Variants in NAV1 observed in about 807,000 individuals in gnomAD.
NAV1 encodes pore membrane and/or filament interacting like protein 3.
A neutral mutation model predicts 175.2 loss-of-function variants in NAV1; 18 were observed. That is an observed-to-expected ratio of 0.10 (90% CI 0.07 to 0.15). The LOEUF is 0.15. Among genes scored for constraint, NAV1 ranks in the 10% least tolerant of loss-of-function variants. The pLI is 1.00. For synonymous variants in NAV1, 897 were observed against 978.7 expected, an observed-to-expected ratio of 0.92 and a Z score of 1.56; for missense variants, 1,731 against 2,436.6, an observed-to-expected ratio of 0.71 and a Z score of 6.10.
Position 201,790,540 on chromosome 1 carries a change from G to T in NAV1, c.3220-14G>T. The stretch of plus-strand genomic sequence containing the variant: ...TTTCTCTCTCTTTCTCTCCTTCTGT[G>T]CTCCCTTCTTCAGGCTGAGGAGAGG... On this transcript the variant is annotated splice_polypyrimidine_tract_variant and intron_variant, in intron 11 of 29. Transcript: ENST00000367296. 6.2e-7 allele frequency: 1 copy of T among 1,613,812 alleles called. No homozygotes were observed. Among genetic ancestry groups the T allele is most frequent in the Non-Finnish European group, 8.5e-7 (1 of 1,179,900 alleles).
At chr1:201,764,789 G>C (rs757545780) in intron 3 of NAV1, among the ~76,000 whole-genome samples, 16 of 152,238 alleles carry the variant, frequency 1.1e-4, no homozygotes, top group Non-Finnish European at 2.2e-4. Flanking sequence ...TCAGATACCA[G>C]AAGATTGCAC....
At chr1:201,579,628 T>C (rs538108365) in intron 1 of NAV1, among the ~76,000 whole-genome samples, 16 of 152,202 alleles carry the variant, frequency 1.1e-4, no homozygotes, top group Admixed American at 2.6e-4. Context: ...AACGCTGGGA[T>C]TACAGACATG....
intron 1 of NAV1, among the ~76,000 whole-genome samples, chr1:201,627,133 T>C (rs1001966405): frequency 6.6e-6 from 1 of 152,234 alleles, no homozygotes; most frequent in Non-Finnish European, 1.5e-5. Context: ...CTTGCTTTGT[T>C]CCCCAGGCTG....
In NAV1 at chr1:201,760,178, C is replaced by T. The variant is rs545646358; in HGVS notation, c.1227-20243C>T. On this transcript the variant is annotated intron_variant, in intron 3 of 29. Transcript: ENST00000367296. ...GAAGCTATATCAAAAGTTTATATAA[C>T]CTGGTGGCTGGGCATGGTGGTTCAC... 2.6e-5 allele frequency among the ~76,000 whole-genome samples: 4 copies of T among 152,248 alleles called. No homozygotes were observed. The East Asian group carries it at 7.7e-4, about 29-fold the overall frequency.
At chr1:201,681,694 C>G (rs534929321) in intron 1 of NAV1, among the ~76,000 whole-genome samples, 1 of 152,220 alleles carries the variant, frequency 6.6e-6, no homozygotes, top group Non-Finnish European at 1.5e-5. Context: ...ATTTTTCCAG[C>G]CAGGCGCAGT....
exon 1 of NAV1, chr1:201,649,146 C>A (rs1489280638): frequency 9.9e-6 from 16 of 1,611,974 alleles, no homozygotes; most frequent in Non-Finnish European, 1.4e-5. Context: ...CGCCAAGACC[C>A]CCCTGGCTCC....
At chr1:201,786,829 G>A (rs1676786651) in intron 9 of NAV1, among the ~76,000 whole-genome samples, 2 of 152,200 alleles carry the variant, frequency 1.3e-5, no homozygotes, top group African/African-American at 4.8e-5. Context: ...ATGGTGGCAT[G>A]GAAAAGCTGT....
At chr1:201,601,659 T>A (rs1206026998) in intron 2 of NAV1, among the ~76,000 whole-genome samples, 1 of 152,128 alleles carries the variant, frequency 6.6e-6, no homozygotes, top group Non-Finnish European at 1.5e-5. Flanking sequence ...GTGCCATATA[T>A]GAACCAGAAA....
At chr1:201,645,489 C>A (rs1019969822), upstream of NAV1, among the ~76,000 whole-genome samples, 1 of 151,776 alleles carries the variant, frequency 6.6e-6, no homozygotes, top group African/African-American at 2.4e-5. Context: ...CAACATGGCA[C>A]ATGTATATGT....
chr1:201,661,392 G>A (rs776916678), intron 1 of NAV1, among the ~76,000 whole-genome samples: 1 of 152,194 alleles, frequency 6.6e-6, no homozygotes, highest in Non-Finnish European at 1.5e-5. Context: ...CAGTATCGTG[G>A]CTAGTGCTGG....
intron 1 of NAV1, among the ~76,000 whole-genome samples, chr1:201,685,443 A>C (rs1353872389): frequency 2.0e-5 from 3 of 152,164 alleles, no homozygotes; most frequent in Non-Finnish European, 4.4e-5. Context: ...ATGAGCTCGC[A>C]CCTTCCCCCA....
At position 201,694,284 on chromosome 1, in the gene NAV1, G is replaced by A. The variant is rs1413366052; in HGVS notation, c.758-18533G>A. Among the ~76,000 whole-genome samples the A allele has an allele frequency of 6.6e-6, 1 of 152,184 alleles. No homozygotes were observed. The highest frequency in any genetic ancestry group is 6.5e-5 in the Admixed American group (1 of 15,290). On this transcript the variant is annotated intron_variant, in intron 1 of 29. Coordinates refer to ENST00000367296, the Ensembl canonical transcript of NAV1. The surrounding 1 kb of genome is among the most constrained non-coding windows in gnomAD (Gnocchi z 4.2). ...CATAGGGGAAGTCAAAGCAATGGCT[G>A]GGAAACCTTGAGGGCAAAGGGACTC... is the stretch of plus-strand genomic sequence containing the variant.
intron 1 of NAV1, among the ~76,000 whole-genome samples, chr1:201,668,830 T>A (rs1669933201): frequency 6.6e-6 from 1 of 152,160 alleles, no homozygotes; most frequent in Non-Finnish European, 1.5e-5. Context: ...CTCACCTCGC[T>A]CCTCTCAGCA....
At chr1:201,824,163 T>A (rs1679543859) in exon 30 of NAV1, 1 of 152,206 alleles carries the variant, frequency 6.6e-6, no homozygotes, top group South Asian at 2.1e-4. Context: ...CAGTTCCTCA[T>A]CATACTTTAT....
intron 8 of NAV1, among the ~76,000 whole-genome samples, chr1:201,785,788 CTTT>C (rs34841837): frequency 4.0e-5 from 4 of 99,542 alleles, no homozygotes; most frequent in African/African-American, 7.8e-5. Context: ...ACTATTGCAA[CTTT>C]TTTTTTTTTT....
rs114393553 is a variant in NAV1, at chr1:201,575,517, G to A, written c.-143-13022G>A. On this transcript the variant is annotated intron_variant, in intron 1 of 33. Transcript: ENST00000685211. The stretch of plus-strand genomic sequence containing the variant: ...ATTCTGTTGCAGTATTCAGAACTGC[G>A]TATCTACATCAGGGAGGCGTGTCCA... Among the ~76,000 whole-genome samples, 889 of 152,256 alleles carry A rather than the reference G, an allele frequency of 5.8e-3. 5 individuals are homozygous for A. Among genetic ancestry groups the A allele is most frequent in the South Asian group, 0.011 (51 of 4,818 alleles).
At chr1:201,701,384 C>T (rs1342112765) in intron 1 of NAV1, among the ~76,000 whole-genome samples, 2 of 150,108 alleles carry the variant, frequency 1.3e-5, no homozygotes, top group Admixed American at 6.7e-5. Context: ...GCACATTGTG[C>T]ACATGTACCC....
intron 3 of NAV1, among the ~76,000 whole-genome samples, chr1:201,753,540 T>A (rs1438884495): frequency 2.0e-5 from 3 of 152,196 alleles, no homozygotes; most frequent in Non-Finnish European, 4.4e-5. Context: ...TATTTTACCT[T>A]AATAGTGCTT....
In NAV1 at chr1:201,566,173, C is replaced by T. The variant is rs138377999; in HGVS notation, c.-143-22366C>T. 4.9e-3 allele frequency among the ~76,000 whole-genome samples: 752 copies of T among 152,298 alleles called. 6 individuals carry two copies. The highest frequency in any genetic ancestry group is 0.017 in the African/African-American group (694 of 41,560). On this transcript the variant is annotated intron_variant, in intron 1 of 33. Transcript: ENST00000685211. The stretch of plus-strand genomic sequence containing the variant: ...CATTCTGATGGTGACGCTTGCCCAC[C>T]TCTTTCAGAGAGAGGCAGGCCACTT...
Sources: allele counts gnomAD v4.1 joint callset (sites outside exome capture counted in the v4.1 genomes callset), GRCh38; gene constraint gnomAD v4.1.1; non-coding constraint Gnocchi (gnomAD v3.1); transcripts MANE v1.5; gene names NCBI Gene and HGNC (gene_info 2026-07-23, HGNC 2026-07-21).